Variants in KCNH7 observed in about 807,000 individuals in gnomAD.
KCNH7 encodes voltage-gated inwardly rectifying potassium channel KCNH7.
Under a neutral mutation model 120.8 loss-of-function variants are expected in KCNH7, and 49 were observed. The ratio of observed to expected loss-of-function variants is 0.41; its 90% CI spans 0.32 to 0.51. The LOEUF is 0.51. Ranked by LOEUF, KCNH7 falls within the 20% of genes least tolerant of loss-of-function variation. The pLI, the probability that KCNH7 is intolerant of heterozygous loss-of-function variation, is 0.38. For missense variants in KCNH7, 1,097 were observed against 1,446.6 expected, an observed-to-expected ratio of 0.76 and a Z score of 3.92; for synonymous variants, 547 against 516.1, an observed-to-expected ratio of 1.06 and a Z score of -0.81.
In KCNH7 at chr2:162,643,038, C is replaced by T. The variant is rs548189981; in HGVS notation, c.308-105958G>A. Among the ~76,000 whole-genome samples the T allele has an allele frequency of 2.6e-5, 4 of 152,288 alleles. No homozygotes were observed. In the East Asian group the frequency reaches 7.7e-4, roughly 29 times the overall value. On this transcript the variant is annotated intron_variant, in intron 2 of 15. Transcript: ENST00000332142. ...TGGAGATAAAATAGAAATATTTATGCAATTAAAGCTTGAAACTACACAGCC... is the reference window on the plus strand; with the variant it reads ...TGGAGATAAAATAGAAATATTTATGTAATTAAAGCTTGAAACTACACAGCC...
intron 6 of KCNH7, among the ~76,000 whole-genome samples, chr2:162,463,471 G>A (rs370200787): frequency 1.3e-5 from 2 of 151,240 alleles, no homozygotes; most frequent in African/African-American, 4.9e-5. Flanking sequence ...TGTAGAGTTG[G>A]TTACTAGATT....
intron 2 of KCNH7, among the ~76,000 whole-genome samples, chr2:162,695,515 A>C (rs909121769): frequency 6.6e-6 from 1 of 152,152 alleles, no homozygotes; most frequent in South Asian, 2.1e-4. Context: ...CCATAGGCCC[A>C]TGGATATTTG....
chr2:162,781,572 T>A (rs1683487916), intron 2 of KCNH7, among the ~76,000 whole-genome samples: 1 of 152,120 alleles, frequency 6.6e-6, no homozygotes, highest in African/African-American at 2.4e-5. Context: ...ATGAAAGTAG[T>A]AACAGGGGAG....
chr2:162,702,901 A>C (rs1004937644), intron 2 of KCNH7, among the ~76,000 whole-genome samples: 13 of 152,064 alleles, frequency 8.5e-5, no homozygotes, highest in African/African-American at 2.2e-4. Flanking sequence ...AATTAGGCTG[A>C]ATGTTTCCTT....
At chr2:162,484,691 G>T (rs1362414173) in intron 6 of KCNH7, among the ~76,000 whole-genome samples, 8 of 152,122 alleles carry the variant, frequency 5.3e-5, no homozygotes, top group Non-Finnish European at 1.2e-4. Flanking sequence ...GAGGTGTTTG[G>T]GTCATGGGGG....
At chr2:162,412,578 C>A (rs562448205) in intron 9 of KCNH7, among the ~76,000 whole-genome samples, 4 of 152,208 alleles carry the variant, frequency 2.6e-5, no homozygotes, top group African/African-American at 9.6e-5. Context: ...GTGACCTGCT[C>A]CTGGCAAACA....
chr2:162,510,718 A>G (rs1213501288), intron 5 of KCNH7, among the ~76,000 whole-genome samples: 1 of 151,712 alleles, frequency 6.6e-6, no homozygotes, highest in Non-Finnish European at 1.5e-5. Flanking sequence ...TGCATTTTTT[A>G]GTTTTTTATT....
chr2:162,449,123 T>C (rs776081723), intron 6 of KCNH7, among the ~76,000 whole-genome samples: 1 of 151,968 alleles, frequency 6.6e-6, no homozygotes, highest in Non-Finnish European at 1.5e-5. Context: ...AGCAGCCTTA[T>C]ATTTTACTAA....
At chr2:162,613,386 T>TCAAAGGAATATATA (rs1683033101) in intron 2 of KCNH7, among the ~76,000 whole-genome samples, 2 of 151,916 alleles carry the variant, frequency 1.3e-5, no homozygotes, top group Admixed American at 1.3e-4. Context: ...AATATATATT[T>TCAAAGGAATATATA]TAATCAAAAC....
intron 2 of KCNH7, among the ~76,000 whole-genome samples, chr2:162,570,745 G>A (rs1010150408): frequency 2.6e-4 from 40 of 151,956 alleles, no homozygotes; most frequent in African/African-American, 8.0e-4. Context: ...TTCAATATAT[G>A]CAAATCAATA....
At chr2:162,492,706 A>C (rs947672298) in intron 6 of KCNH7, among the ~76,000 whole-genome samples, 2 of 152,130 alleles carry the variant, frequency 1.3e-5, no homozygotes, top group African/African-American at 2.4e-5. Flanking sequence ...ATTTTGGTAA[A>C]GCTCAAAAGC....
At chr2:162,707,119 G>C (rs960016222) in intron 2 of KCNH7, among the ~76,000 whole-genome samples, 4 of 152,048 alleles carry the variant, frequency 2.6e-5, no homozygotes, top group Admixed American at 1.3e-4. Flanking sequence ...GATTTGGAAA[G>C]TAAAGAAAGA....
At chr2:162,769,690 G>A (rs377108592) in intron 2 of KCNH7, among the ~76,000 whole-genome samples, 2 of 151,790 alleles carry the variant, frequency 1.3e-5, no homozygotes, top group East Asian at 3.9e-4. Flanking sequence ...ACATATATAT[G>A]TTAGGTTATA....
intron 13 of KCNH7, among the ~76,000 whole-genome samples, chr2:162,382,451 T>G (rs930258266): frequency 3.3e-5 from 5 of 152,092 alleles, no homozygotes; most frequent in African/African-American, 1.2e-4. Flanking sequence ...TTGGTTGCCT[T>G]GGAAAATGTT....
At chr2:162,829,437 A>C (rs879260203) in intron 2 of KCNH7, among the ~76,000 whole-genome samples, 3 of 152,164 alleles carry the variant, frequency 2.0e-5, no homozygotes, top group Non-Finnish European at 4.4e-5. Context: ...ATGCCAATAG[A>C]GTGTGTAACA....
intron 3 of KCNH7, among the ~76,000 whole-genome samples, chr2:162,528,842 T>C (rs1367763764): frequency 1.3e-5 from 2 of 151,984 alleles, no homozygotes; most frequent in Admixed American, 6.6e-5. Context: ...AGGACAATTA[T>C]AGTGGGCTAT....
chr2:162,618,294 A>C (rs1683218812), intron 2 of KCNH7, among the ~76,000 whole-genome samples: 1 of 151,936 alleles, frequency 6.6e-6, no homozygotes. Flanking sequence ...CCATGAAATA[A>C]TACTTTCAGA....
chr2:162,796,620 G>A (rs1684156820), intron 2 of KCNH7: 1 of 152,030 alleles, frequency 6.6e-6, no homozygotes, highest in Non-Finnish European at 1.5e-5. Context: ...TTCTTATCAG[G>A]AAAATATTTC....
chr2:162,825,996 A>T (rs1354777038), intron 2 of KCNH7, among the ~76,000 whole-genome samples: 2 of 132,016 alleles, frequency 1.5e-5, no homozygotes, highest in African/African-American at 5.2e-5. Flanking sequence ...TTCAACAGTG[A>T]GGTTAAATCA....
Sources: allele counts gnomAD v4.1 joint callset (sites outside exome capture counted in the v4.1 genomes callset), GRCh38; gene constraint gnomAD v4.1.1; transcripts MANE v1.5; gene names NCBI Gene and HGNC (gene_info 2026-07-23, HGNC 2026-07-21).